Variants in ALG6 observed in about 807,000 individuals in gnomAD.
ALG6 encodes the protein dolichyl pyrophosphate Man9GlcNAc2 alpha-1,3-glucosyltransferase.
ALG6 carries 46 observed loss-of-function variants against 66.6 expected under a neutral mutation model. The observed-to-expected ratio is 0.69, with a 90% confidence interval of 0.55 to 0.88. ALG6 has a LOEUF of 0.88. Among genes scored for constraint, ALG6 ranks in the 40% least tolerant of loss-of-function variants. ALG6 has a pLI of 0.00. For missense variants in ALG6, 505 were observed against 586.8 expected (o/e 0.86, Z 1.44); for synonymous variants, 185 against 203.7 (o/e 0.91, Z 0.78).
At chr1:63,400,005 A>G (rs1456502897) in intron 3 of ALG6, among the ~76,000 whole-genome samples, 1 of 149,818 alleles carries the variant, frequency 6.7e-6, no homozygotes, top group African/African-American at 2.5e-5. Context: ...GACCAGCCTG[A>G]CCAACATGGA....
Position 63,411,821 on chromosome 1 carries a change from G to T in ALG6, c.681-105G>T. On this transcript the variant is annotated intron_variant, in intron 8 of 14. Coordinates refer to ENST00000263440, the MANE Select transcript of ALG6 (RefSeq NM_013339.4). ...AGCCTATATTGGTAACATAGATTTG[G>T]CATTACTATACATGTGCATGTATTA... The T allele has an allele frequency of 2.7e-6, 4 of 1,457,722 alleles. 1 individual carries two copies. The highest frequency in any genetic ancestry group is 2.9e-6 in the Non-Finnish European group (3 of 1,042,430). 90.3% of individuals were successfully genotyped at this position (1,457,722 alleles called of 1,614,324 possible).
At chr1:63,431,198 A>G (rs930508334) in intron 14 of ALG6, among the ~76,000 whole-genome samples, 21 of 152,158 alleles carry the variant, frequency 1.4e-4, no homozygotes, top group African/African-American at 4.6e-4. Flanking sequence ...CTATATGTCT[A>G]TCCTTATGCC....
chr1:63,423,035 T>C (rs1365055193), intron 12 of ALG6, among the ~76,000 whole-genome samples: 11 of 151,566 alleles, frequency 7.3e-5, no homozygotes, highest in African/African-American at 2.4e-4. Context: ...TTTTTTTTTT[T>C]TTTTTTGAGG....
At chr1:63,400,650 TA>T (rs1644460823) in intron 3 of ALG6, among the ~76,000 whole-genome samples, 1 of 152,006 alleles carries the variant, frequency 6.6e-6, no homozygotes, top group Non-Finnish European at 1.5e-5. Flanking sequence ...AAGGTTAAAC[TA>T]AATGAAAAAA....
intron 12 of ALG6, among the ~76,000 whole-genome samples, chr1:63,420,631 C>A (rs759010188): frequency 1.3e-5 from 2 of 151,940 alleles, no homozygotes; most frequent in Non-Finnish European, 2.9e-5. Context: ...GAGGCTGAGG[C>A]AGGCAGATCA....
intron 14 of ALG6, among the ~76,000 whole-genome samples, chr1:63,432,136 C>CT (rs1482477616): frequency 1.3e-5 from 2 of 152,046 alleles, no homozygotes; most frequent in African/African-American, 4.8e-5. Flanking sequence ...TAACTGTGGG[C>CT]TTTTTAAAAT....
intron 1 of ALG6, among the ~76,000 whole-genome samples, chr1:63,368,988 T>C (rs1430288127): frequency 6.6e-6 from 1 of 152,180 alleles, no homozygotes; most frequent in Non-Finnish European, 1.5e-5. Flanking sequence ...CCTTCTTTCC[T>C]CCCCAAAGGT....
At chr1:63,403,745 C>T (rs749128272) in intron 4 of ALG6, among the ~76,000 whole-genome samples, 7 of 152,146 alleles carry the variant, frequency 4.6e-5, no homozygotes, top group Non-Finnish European at 1.0e-4. Flanking sequence ...CAGCATGTCA[C>T]TGTACTGAAT....
chr1:63,432,823 G>A (rs1456223651), intron 14 of ALG6, among the ~76,000 whole-genome samples: 1 of 152,176 alleles, frequency 6.6e-6, no homozygotes, highest in East Asian at 1.9e-4. Context: ...CGGGAGTGCG[G>A]TGGTGCATTT....
chr1:63,386,523 C>T (rs1439529186), intron 2 of ALG6, among the ~76,000 whole-genome samples: 1 of 151,946 alleles, frequency 6.6e-6, no homozygotes, highest in Non-Finnish European at 1.5e-5. Context: ...TTTTGGATTT[C>T]TTCCTGGTTC....
intron 3 of ALG6, among the ~76,000 whole-genome samples, chr1:63,397,134 A>G (rs547267842): frequency 4.6e-5 from 7 of 151,888 alleles, no homozygotes; most frequent in Middle Eastern, 3.4e-3. Flanking sequence ...GGCATGGCAC[A>G]TTGTAGACCC....
In ALG6 at chr1:63,428,914, AT is replaced by A. The variant is rs1257358870; in HGVS notation, c.1128-10del. On this transcript the variant is annotated splice_polypyrimidine_tract_variant and intron_variant, in intron 13 of 14. Transcript: ENST00000263440. ...GATAATTCTCTTGTGATTTTTAAAA[AT>A]TTTCCTTTACAGTATGCTACCTCTT... 1 of 1,611,410 alleles carries A rather than the reference AT, an allele frequency of 6.2e-7. No individual in the cohort carries two copies. The highest frequency in any genetic ancestry group is 2.2e-5 in the East Asian group (1 of 44,686).
At chr1:63,368,853 A>G (rs6669718) in intron 1 of ALG6, among the ~76,000 whole-genome samples, 64,322 of 151,576 alleles carry the variant, frequency 0.42, 13,757 homozygotes, top group East Asian at 0.62. Context: ...ACTGTACGCA[A>G]ATTATAAGTT....
chr1:63,378,710 A>G (rs1648208752), intron 2 of ALG6, among the ~76,000 whole-genome samples: 1 of 149,760 alleles, frequency 6.7e-6, no homozygotes, highest in Non-Finnish European at 1.5e-5. Context: ...TTCTTGTACA[A>G]CTCTTGTTAG....
At chr1:63,386,368 A>G (rs1207216197) in intron 2 of ALG6, among the ~76,000 whole-genome samples, 2 of 151,992 alleles carry the variant, frequency 1.3e-5, no homozygotes, top group Non-Finnish European at 2.9e-5. Context: ...ATTTTTTGGA[A>G]TAGTTTGAAT....
intron 2 of ALG6, among the ~76,000 whole-genome samples, chr1:63,379,770 TATATATAAAAC>T (rs762573792): frequency 8.0e-5 from 12 of 149,232 alleles, no homozygotes; most frequent in Non-Finnish European, 1.6e-4. Flanking sequence ...AATCATACAT[TATATATAAAAC>T]ATATATAAAA....
At chr1:63,413,021 A>T (rs1557591806) in intron 9 of ALG6, among the ~76,000 whole-genome samples, 1 of 152,182 alleles carries the variant, frequency 6.6e-6, no homozygotes. Flanking sequence ...TGTCAACAGG[A>T]TGATGGTAGT....
chr1:63,414,553 G>A (rs1644532708), intron 10 of ALG6, among the ~76,000 whole-genome samples: 1 of 152,100 alleles, frequency 6.6e-6, no homozygotes, highest in African/African-American at 2.4e-5. Flanking sequence ...CCCAGCCGAG[G>A]TGTTTTTCTT....
chr1:63,389,701 T>C (rs947558443), intron 2 of ALG6, among the ~76,000 whole-genome samples: 1 of 152,160 alleles, frequency 6.6e-6, no homozygotes, highest in African/African-American at 2.4e-5. Flanking sequence ...GGCTTATTTA[T>C]ACCCATCCTT....
Sources: allele counts gnomAD v4.1 joint callset (sites outside exome capture counted in the v4.1 genomes callset), GRCh38; gene constraint gnomAD v4.1.1; transcripts MANE v1.5; gene names NCBI Gene and HGNC (gene_info 2026-07-23, HGNC 2026-07-21).